ZBED6: variants seen among roughly 807,000 people sequenced by gnomAD.
ZBED6 encodes zinc finger BED-type containing 6.
ZBED6 carries 40 observed loss-of-function variants against 58.4 expected under a neutral mutation model. That is an observed-to-expected ratio of 0.68 (90% CI 0.53 to 0.89). The LOEUF is 0.89. Among genes scored for constraint, ZBED6 ranks in the 40% least tolerant of loss-of-function variants. The pLI, the probability that ZBED6 is intolerant of heterozygous loss-of-function variation, is 0.00. For synonymous variants in ZBED6, 439 were observed against 350.6 expected, an observed-to-expected ratio of 1.25 and a Z score of -2.82; for missense variants, 1,057 against 1,003.9, an observed-to-expected ratio of 1.05 and a Z score of -0.71.
intron 11 of ZBED6, among the ~76,000 whole-genome samples, chr1:203,841,050 A>G (rs974421521): frequency 2.6e-5 from 4 of 151,574 alleles, no homozygotes; most frequent in South Asian, 2.1e-4. Context: ...GAACAACGAT[A>G]TGGAAAAATC....
chr1:203,842,897 T>C (rs1281600384), intron 11 of ZBED6, among the ~76,000 whole-genome samples: 1 of 148,962 alleles, frequency 6.7e-6, no homozygotes, highest in Non-Finnish European at 1.5e-5. Context: ...AATAATAAAA[T>C]GAACATCCAT....
At chr1:203,831,687 T>C in exon 8 of ZBED6, 1 of 1,612,996 alleles carries the variant, frequency 6.2e-7, no homozygotes, top group Non-Finnish European at 8.5e-7. Flanking sequence ...TTCCAGTCTT[T>C]TACTCCACCC....
intron 1 of ZBED6, among the ~76,000 whole-genome samples, chr1:203,815,672 C>T (rs1022212838): frequency 6.6e-6 from 1 of 152,146 alleles, no homozygotes; most frequent in South Asian, 2.1e-4. Flanking sequence ...TGTTCAGTGT[C>T]AGACTCTTAA....
chr1:203,851,844 C>T (rs763247610), intron 16 of ZBED6, among the ~76,000 whole-genome samples: 34 of 151,656 alleles, frequency 2.2e-4, no homozygotes, highest in Non-Finnish European at 4.4e-4. Context: ...TGACACACAC[C>T]TGTAGACCCA....
chr1:203,797,830 C>A, exon 1 of ZBED6: 1 of 1,536,092 alleles, frequency 6.5e-7, no homozygotes, highest in South Asian at 1.2e-5. Context: ...GCTTTGTTAG[C>A]TTCCAATGAC....
chr1:203,815,926 A>G (rs897673953), intron 1 of ZBED6, among the ~76,000 whole-genome samples: 2 of 152,188 alleles, frequency 1.3e-5, no homozygotes, highest in African/African-American at 4.8e-5. Context: ...AGGGTATGCC[A>G]TGGACTAGGG....
chr1:203,797,414 C>T (rs1668909877), exon 1 of ZBED6: 1 of 1,099,302 alleles, frequency 9.1e-7, no homozygotes, highest in African/African-American at 1.6e-5. Flanking sequence ...TTTGATTCCC[C>T]ATAGAAACTG....
chr1:203,796,296 C>A, exon 1 of ZBED6: 1 of 397,546 alleles, frequency 2.5e-6, no homozygotes, highest in South Asian at 1.4e-4. Flanking sequence ...TCTCCAGGGT[C>A]CCGGTACTTT....
chr1:203,818,206 T>C (rs1323112706), intron 2 of ZBED6, among the ~76,000 whole-genome samples: 1 of 152,110 alleles, frequency 6.6e-6, no homozygotes, highest in Non-Finnish European at 1.5e-5. Flanking sequence ...ATATTTAAAT[T>C]CTATTTACTT....
At chr1:203,835,116 G>T (rs1379463009) in intron 9 of ZBED6, among the ~76,000 whole-genome samples, 3 of 152,228 alleles carry the variant, frequency 2.0e-5, no homozygotes, top group Non-Finnish European at 4.4e-5. Context: ...GTTTCAGACA[G>T]TGAGAGATGG....
At chr1:203,800,975 A>G (rs1489012152) in exon 1 of ZBED6, 1 of 152,252 alleles carries the variant, frequency 6.6e-6, no homozygotes, top group Non-Finnish European at 1.5e-5. Context: ...GCCTCCTCAT[A>G]CTGGTCAGCT....
chr1:203,815,211 C>CTTTCTTTTTTTTT (rs779729339), intron 1 of ZBED6, among the ~76,000 whole-genome samples: 2 of 59,398 alleles, frequency 3.4e-5, no homozygotes, highest in East Asian at 7.3e-4. Context: ...TCTTCCTTTT[C>CTTTCTTTTTTTTT]TTTTCTTTTT....
chr1:203,802,050 T>A (rs1046313203), exon 1 of ZBED6: 11 of 152,602 alleles, frequency 7.2e-5, no homozygotes, highest in African/African-American at 2.4e-4. Flanking sequence ...AAATAAATTT[T>A]CCCTTAGATA....
intron 1 of ZBED6, among the ~76,000 whole-genome samples, chr1:203,811,236 A>C (rs1159169987): frequency 6.6e-6 from 1 of 151,686 alleles, no homozygotes; most frequent in African/African-American, 2.4e-5. Flanking sequence ...TGAACCCAGG[A>C]GGTGGAGGTT....
chr1:203,836,379 T>C (rs921317489), intron 9 of ZBED6, among the ~76,000 whole-genome samples: 5 of 152,204 alleles, frequency 3.3e-5, no homozygotes, highest in African/African-American at 1.2e-4. Flanking sequence ...TTGCAAACAA[T>C]GTAACTTCAG....
chr1:203,817,319 A>G (rs1676688314), intron 2 of ZBED6, among the ~76,000 whole-genome samples, 195 bp downstream of exon 2: 1 of 152,106 alleles, frequency 6.6e-6, no homozygotes, highest in Non-Finnish European at 1.5e-5. Context: ...ATATATAACT[A>G]ATTTTCCCAT....
intron 2 of ZBED6, among the ~76,000 whole-genome samples, chr1:203,818,026 C>T (rs1271797503): frequency 2.0e-5 from 3 of 152,130 alleles, no homozygotes; most frequent in East Asian, 3.9e-4. Context: ...GGATTACAGG[C>T]GTGAGCCCCC....
chr1:203,796,079 A>G (rs1330597027), exon 1 of ZBED6: 6 of 123,326 alleles, frequency 4.9e-5, no homozygotes, highest in East Asian at 2.3e-4. Context: ...TTCCCAGCCA[A>G]CCTTCCTCCC....
intron 1 of ZBED6, among the ~76,000 whole-genome samples, chr1:203,815,215 T>C (rs200718060): frequency 6.0e-5 from 4 of 66,900 alleles, no homozygotes; most frequent in African/African-American, 1.8e-4. Context: ...CCTTTTCTTT[T>C]CTTTTTTTTT....
Sources: allele counts gnomAD v4.1 joint callset (sites outside exome capture counted in the v4.1 genomes callset), GRCh38; gene constraint gnomAD v4.1.1; transcripts MANE v1.5; gene names NCBI Gene and HGNC (gene_info 2026-07-23, HGNC 2026-07-21).